NIPAL2: variants seen among roughly 807,000 people sequenced by gnomAD.
NIPAL2 encodes NIPA-like protein 2.
A neutral mutation model predicts 48.9 loss-of-function variants in NIPAL2; 43 were observed. The observed-to-expected ratio is 0.88, with a 90% CI of 0.69 to 1.13. The LOEUF is 1.13. NIPAL2 is among the 50% of genes most tolerant of loss of function. NIPAL2 has a pLI of 0.00. For missense variants in NIPAL2, 446 were observed against 461.4 expected, an observed-to-expected ratio of 0.97 and a Z score of 0.31; for synonymous variants, 167 against 174.6, an observed-to-expected ratio of 0.96 and a Z score of 0.34.
At chr8:98,262,871 C>T (rs867784476) in intron 1 of NIPAL2, among the ~76,000 whole-genome samples, 3,468 of 152,186 alleles carry the variant, frequency 0.023, 60 homozygotes, top group Middle Eastern at 0.037. Flanking sequence ...TGACCACATA[C>T]TTGGAAGTAA....
chr8:98,254,101 T>G lies in NIPAL2; in HGVS notation c.136-14A>C. ...AAAAAGGTGAATCTGTAAAAGAAAA[T>G]GTTTTCCTTAAATAATACTTGTAAG... On this transcript the variant is annotated splice_polypyrimidine_tract_variant and intron_variant, in intron 1 of 10. Coordinates refer to ENST00000430223, the MANE Select transcript of NIPAL2 (RefSeq NM_001321635.2). 1 of 1,599,462 alleles carries G rather than the reference T, an allele frequency of 6.3e-7. No homozygotes were observed. The highest frequency in any genetic ancestry group is 1.3e-5 in the African/African-American group (1 of 74,392).
At chr8:98,229,613 A>C (rs1186200931) in intron 4 of NIPAL2, among the ~76,000 whole-genome samples, 1 of 152,190 alleles carries the variant, frequency 6.6e-6, no homozygotes, top group Non-Finnish European at 1.5e-5. Flanking sequence ...CCTGGTCTCA[A>C]GTGAACCTCC....
chr8:98,261,358 G>T (rs1318274598), intron 1 of NIPAL2, among the ~76,000 whole-genome samples: 11 of 128,312 alleles, frequency 8.6e-5, no homozygotes, highest in Admixed American at 1.6e-4. Flanking sequence ...CAAACCAAAG[G>T]CAAAGAAGTT....
intron 1 of NIPAL2, among the ~76,000 whole-genome samples, chr8:98,264,998 T>G (rs1311415783): frequency 2.2e-4 from 32 of 145,712 alleles, no homozygotes; most frequent in African/African-American, 8.2e-4. Context: ...CTATCTGATC[T>G]TTGACAAACC....
chr8:98,229,679 G>A (rs1412712139), intron 4 of NIPAL2, among the ~76,000 whole-genome samples: 1 of 152,152 alleles, frequency 6.6e-6, no homozygotes, highest in Non-Finnish European at 1.5e-5. Context: ...TGCCCAGCCA[G>A]TAATAATTTT....
chr8:98,225,779 A>C (rs975361339), intron 4 of NIPAL2, among the ~76,000 whole-genome samples: 1 of 152,014 alleles, frequency 6.6e-6, no homozygotes, highest in Non-Finnish European at 1.5e-5. Context: ...GTTCTCTGTT[A>C]TTATCTCTTT....
At chr8:98,243,218 A>G (rs1157219169) in intron 3 of NIPAL2, among the ~76,000 whole-genome samples, 4 of 151,996 alleles carry the variant, frequency 2.6e-5, no homozygotes, top group African/African-American at 9.7e-5. Context: ...CTGTGGACTG[A>G]CTCCTATTGG....
chr8:98,221,308 G>A (rs1353006915), intron 5 of NIPAL2, among the ~76,000 whole-genome samples: 1 of 150,744 alleles, frequency 6.6e-6, no homozygotes, highest in Non-Finnish European at 1.5e-5. Flanking sequence ...TCTTGGCATT[G>A]TAGTACTGTT....
intron 1 of NIPAL2, among the ~76,000 whole-genome samples, chr8:98,289,359 A>G (rs571882295): frequency 1.2e-4 from 18 of 152,192 alleles, no homozygotes; most frequent in Non-Finnish European, 2.1e-4. Context: ...GTAGATTTAA[A>G]TGGAAATATC....
At chr8:98,251,196 AAAGT>A (rs1206221905) in intron 3 of NIPAL2, among the ~76,000 whole-genome samples, 2 of 151,978 alleles carry the variant, frequency 1.3e-5, no homozygotes, top group Non-Finnish European at 2.9e-5. Context: ...GAAACGGCAT[AAAGT>A]AAGGAAAAAA....
At chr8:98,280,081 G>A (rs1586477481) in intron 1 of NIPAL2, among the ~76,000 whole-genome samples, 1 of 152,202 alleles carries the variant, frequency 6.6e-6, no homozygotes, top group East Asian at 1.9e-4. Context: ...GTAGTACTGT[G>A]TTATTGACCT....
chr8:98,199,254 C>A (rs1301566362), intron 8 of NIPAL2, among the ~76,000 whole-genome samples: 1 of 152,108 alleles, frequency 6.6e-6, no homozygotes, highest in East Asian at 1.9e-4. Flanking sequence ...CTGCACCCGG[C>A]CCAAAAACTT....
intron 1 of NIPAL2, among the ~76,000 whole-genome samples, chr8:98,266,756 A>G (rs965724297): frequency 6.6e-6 from 1 of 152,076 alleles, no homozygotes; most frequent in Non-Finnish European, 1.5e-5. Flanking sequence ...TTTTGAAATG[A>G]AATAAAATCA....
intron 1 of NIPAL2, among the ~76,000 whole-genome samples, chr8:98,279,519 C>T (rs1478221613): frequency 1.3e-5 from 2 of 152,180 alleles, no homozygotes; most frequent in Non-Finnish European, 2.9e-5. Context: ...TCTACTCCCC[C>T]ACTTCCCTGT....
At chr8:98,257,940 T>C (rs112766699) in intron 1 of NIPAL2, among the ~76,000 whole-genome samples, 2 of 152,314 alleles carry the variant, frequency 1.3e-5, no homozygotes, top group African/African-American at 4.8e-5. Context: ...ATGTCTTATA[T>C]CTCCCTAAAA....
intron 5 of NIPAL2, among the ~76,000 whole-genome samples, chr8:98,220,258 A>G (rs778879172): frequency 1.3e-5 from 2 of 152,208 alleles, no homozygotes; most frequent in Non-Finnish European, 2.9e-5. Context: ...CTCAGTAGAC[A>G]TGTCCCTGTA....
At chr8:98,292,715 G>T (rs967967875) in intron 1 of NIPAL2, among the ~76,000 whole-genome samples, 3 of 147,728 alleles carry the variant, frequency 2.0e-5, no homozygotes, top group Non-Finnish European at 4.4e-5. Flanking sequence ...GATCACATCT[G>T]CTAACCCTCT....
At chr8:98,234,218 A>T (rs1179091224) in intron 4 of NIPAL2, among the ~76,000 whole-genome samples, 3 of 152,034 alleles carry the variant, frequency 2.0e-5, no homozygotes, top group Non-Finnish European at 2.9e-5. Flanking sequence ...TAAACTAAAG[A>T]CTCATGACAT....
chr8:98,270,203 T>G (rs1815041741), intron 1 of NIPAL2, among the ~76,000 whole-genome samples: 1 of 152,216 alleles, frequency 6.6e-6, no homozygotes, highest in Admixed American at 6.5e-5. Flanking sequence ...ATATACCCAG[T>G]AATGGGATTG....
Sources: allele counts gnomAD v4.1 joint callset (sites outside exome capture counted in the v4.1 genomes callset), GRCh38; gene constraint gnomAD v4.1.1; transcripts MANE v1.5; gene names NCBI Gene and HGNC (gene_info 2026-07-23, HGNC 2026-07-21).